TENM3: variants seen among roughly 807,000 people sequenced by gnomAD.
The protein encoded by TENM3 is teneurin-3.
In TENM3, 63 loss-of-function variants were observed where a neutral mutation model predicts 255.1. That is an observed-to-expected ratio of 0.25 (90% CI 0.20 to 0.30). The LOEUF (loss-of-function observed/expected upper bound fraction) is 0.30, where lower values mean the gene tolerates loss of function less well. Ranked by LOEUF, TENM3 falls within the 10% of genes least tolerant of loss-of-function variation. The pLI, the probability that TENM3 is intolerant of heterozygous loss-of-function variation, is 1.00. For missense variants in TENM3, 2,929 were observed against 3,461.1 expected, an observed-to-expected ratio of 0.85 and a Z score of 3.86; for synonymous variants, 1,306 against 1,322.3, an observed-to-expected ratio of 0.99 and a Z score of 0.27.
the TENM3 span, among the ~76,000 whole-genome samples, chr4:181,470,127 A>AACG: frequency 1.4e-5 from 2 of 138,958 alleles, no homozygotes; most frequent in Admixed American, 1.4e-4. Flanking sequence ...AAAAAAAAAC[A>AACG]TTATTCAAAA....
At chr4:182,762,328 CTAGAT>C (rs1330259356) in intron 22 of TENM3, among the ~76,000 whole-genome samples, 1 of 152,206 alleles carries the variant, frequency 6.6e-6, no homozygotes, top group African/African-American at 2.4e-5. Flanking sequence ...CTGCAACTGT[CTAGAT>C]TAGATGATTT....
intron 2 of TENM3, among the ~76,000 whole-genome samples, 155 bp from the exon 3 acceptor site, chr4:182,346,496 G>C (rs1172181972): frequency 7.3e-5 from 11 of 151,724 alleles, no homozygotes; most frequent in African/African-American, 2.4e-4. Context: ...ATCCTATGCC[G>C]TGTGACGCTA....
chr4:181,841,930 A>G, the TENM3 span, among the ~76,000 whole-genome samples: 6,068 of 152,232 alleles, frequency 0.04, 404 homozygotes, highest in African/African-American at 0.14. Flanking sequence ...AACTCAAATC[A>G]ACTCAAAGGG....
the TENM3 span, among the ~76,000 whole-genome samples, chr4:181,779,315 A>G: frequency 1.3e-5 from 2 of 151,464 alleles, no homozygotes; most frequent in African/African-American, 4.8e-5. Flanking sequence ...TACGTGGGCC[A>G]AGAATAAACC....
At chr4:182,360,115 T>C (rs1290832851) in intron 3 of TENM3, among the ~76,000 whole-genome samples, 1 of 149,026 alleles carries the variant, frequency 6.7e-6, no homozygotes, top group Non-Finnish European at 1.5e-5. Context: ...TTCTTTTACA[T>C]TTGCTGAGGA....
chr4:181,850,296 A>T, the TENM3 span, among the ~76,000 whole-genome samples: 1 of 152,126 alleles, frequency 6.6e-6, no homozygotes, highest in African/African-American at 2.4e-5. Context: ...GTTAGTCAAC[A>T]TGATTTGATT....
At chr4:182,074,958 A>G in the TENM3 span, among the ~76,000 whole-genome samples, 3 of 148,966 alleles carry the variant, frequency 2.0e-5, no homozygotes, top group Admixed American at 6.7e-5. Flanking sequence ...TTCAAATTTT[A>G]TGTCCAGATT....
chr4:182,705,725 A>G (rs1758229288), intron 12 of TENM3, among the ~76,000 whole-genome samples: 1 of 152,194 alleles, frequency 6.6e-6, no homozygotes, highest in Admixed American at 6.5e-5. Context: ...CTTAGACCTC[A>G]TTTTTAAATG....
At chr4:181,649,608 G>T in the TENM3 span, among the ~76,000 whole-genome samples, 1 of 152,204 alleles carries the variant, frequency 6.6e-6, no homozygotes, top group African/African-American at 2.4e-5. Context: ...AACCCAAATG[G>T]AAGGGATGTG....
At chr4:182,650,881 TA>T (rs1230977965) in intron 5 of TENM3, among the ~76,000 whole-genome samples, 3,415 of 60,210 alleles carry the variant, frequency 0.057, 164 homozygotes, top group African/African-American at 0.17. Flanking sequence ...TTTTCTGTAA[TA>T]AAAAAAAATA....
At chr4:182,348,033 C>G (rs1348728665) in intron 3 of TENM3, among the ~76,000 whole-genome samples, 3 of 152,164 alleles carry the variant, frequency 2.0e-5, no homozygotes, top group Non-Finnish European at 4.4e-5. Flanking sequence ...CAGTGTGAAG[C>G]AGCACCTAAG....
chr4:182,156,317 A>T (rs868239686), intron 1 of TENM3, among the ~76,000 whole-genome samples: 1 of 152,316 alleles, frequency 6.6e-6, no homozygotes, highest in African/African-American at 2.4e-5. Context: ...AGTGATTGCT[A>T]CACTTCTGTG....
the TENM3 span, among the ~76,000 whole-genome samples, chr4:182,073,041 A>G: frequency 6.6e-6 from 1 of 152,212 alleles, no homozygotes; most frequent in African/African-American, 2.4e-5. Flanking sequence ...TCACACTGCT[A>G]TAAAGAAATA....
the TENM3 span, among the ~76,000 whole-genome samples, chr4:181,526,717 T>A: frequency 1.3e-5 from 2 of 152,132 alleles, no homozygotes. Flanking sequence ...ACTTTATAAC[T>A]ATAGGATTGG....
chr4:182,582,905 G>C (rs1317560425), intron 3 of TENM3, among the ~76,000 whole-genome samples: 1 of 152,190 alleles, frequency 6.6e-6, no homozygotes, highest in Non-Finnish European at 1.5e-5. Context: ...TGGGGAATTA[G>C]AATGTGGAGA....
At chr4:182,069,094 T>C in the TENM3 span, among the ~76,000 whole-genome samples, 31 of 152,210 alleles carry the variant, frequency 2.0e-4, no homozygotes, top group East Asian at 5.6e-3. Flanking sequence ...AAAACCTTCA[T>C]GAGTGAAATT....
At chr4:182,651,412 C>T (rs1006722055) in intron 5 of TENM3, among the ~76,000 whole-genome samples, 17 of 152,024 alleles carry the variant, frequency 1.1e-4, no homozygotes, top group Non-Finnish European at 2.9e-5. Flanking sequence ...GAGTTTAGGC[C>T]GGGCGCAGTG....
the TENM3 span, chr4:181,906,230 G>A: frequency 9.2e-6 from 2 of 217,288 alleles, no homozygotes; most frequent in African/African-American, 2.4e-5. Flanking sequence ...GCATTGCATA[G>A]TAAGTCTTTA....
the TENM3 span, among the ~76,000 whole-genome samples, chr4:181,454,081 G>C: frequency 6.6e-6 from 1 of 152,074 alleles, no homozygotes; most frequent in African/African-American, 2.4e-5. Flanking sequence ...ATTACCTGTT[G>C]CATATTAAGT....
Sources: gnomAD v4.1 joint callset for allele counts (sites outside exome capture counted in the v4.1 genomes callset) on GRCh38, gnomAD v4.1.1 for gene constraint, MANE v1.5 for transcripts, NCBI Gene and HGNC (gene_info 2026-07-23, HGNC 2026-07-21) for gene names.